The following AGPAT2 variants were observed in gnomAD, a reference collection of about 807,000 sequenced individuals.
AGPAT2 encodes 1-acylglycerol-3-phosphate O-acyltransferase 2.
A neutral mutation model predicts 26.1 loss-of-function variants in AGPAT2; 18 were observed. That is an observed-to-expected ratio of 0.69 (90% confidence interval 0.48 to 1.02). The LOEUF (loss-of-function observed/expected upper bound fraction) is 1.02. Ranked by LOEUF, AGPAT2 falls within the 50% of genes least tolerant of loss-of-function variation. AGPAT2 has a pLI of 0.00. For synonymous variants in AGPAT2, 200 were observed against 174.2 expected (o/e 1.15, Z -1.16); for missense variants, 415 against 394.9 (o/e 1.05, Z -0.43).
chr9:136,679,448 C>T (rs767466731), intron 1 of AGPAT2, among the ~76,000 whole-genome samples: 1 of 152,234 alleles, frequency 6.6e-6, no homozygotes, highest in East Asian at 1.9e-4. Flanking sequence ...CCTCAGCCAA[C>T]TCTAGATATC....
Position 136,674,715 on chromosome 9 carries a change from G to A in AGPAT2, c.661+20C>T. ...GGGTCAGGCGGGGCCTACACCCCGG[G>A]TGCACACATGTGGGGGTACCTGAAG... On this transcript the variant is annotated intron_variant, in intron 5 of 5. Transcript: ENST00000371696. The A allele has an allele frequency of 7.0e-7, 1 of 1,435,392 alleles. No homozygotes were observed. Among genetic ancestry groups the A allele is most frequent in the Non-Finnish European group, 9.2e-7 (1 of 1,084,356 alleles). The allele number at this position is 1,435,392 out of a possible 1,614,324, so 88.9% of individuals were successfully genotyped here.
At chr9:136,684,991 C>G (rs950416667) in intron 1 of AGPAT2, among the ~76,000 whole-genome samples, 8 of 152,172 alleles carry the variant, frequency 5.3e-5, no homozygotes, top group African/African-American at 1.9e-4. Context: ...AGGGAACGCA[C>G]GTTCGCAACA....
chr9:136,673,491 T>C lies in AGPAT2; in HGVS notation c.*261A>G, dbSNP rs994719073. 1 of 376,560 alleles carries C rather than the reference T, an allele frequency of 2.7e-6. No homozygotes were observed. 23.3% of individuals were successfully genotyped at this position (376,560 alleles called of 1,614,324 possible). On this transcript the variant is annotated 3_prime_UTR_variant, in exon 6 of 6. Transcript: ENST00000371696. ...GCCACAGCCGCAAGCCTCATCTTTA[T>C]CATCCCAGCTCCCAGAGGTGCCGTG... is the stretch of plus-strand genomic sequence containing the variant.
chr9:136,674,727 G>A lies in AGPAT2; in HGVS notation c.661+8C>T, dbSNP rs770744876. 7 of 1,481,700 alleles carry A rather than the reference G, an allele frequency of 4.7e-6. No homozygotes were observed. Among genetic ancestry groups the A allele is most frequent in the Admixed American group, 2.2e-5 (1 of 45,718 alleles). 91.8% of individuals were successfully genotyped at this position (1,481,700 alleles called of 1,614,324 possible). On this transcript the variant is annotated splice_region_variant and intron_variant, in intron 5 of 5. Coordinates refer to ENST00000371696, the MANE Select transcript of AGPAT2 (RefSeq NM_006412.4). ...GCCTACACCCCGGGTGCACACATGTGGGGGTACCTGAAGTGAAGAACTTCT... is the reference window on the plus strand; with the variant it reads ...GCCTACACCCCGGGTGCACACATGTAGGGGTACCTGAAGTGAAGAACTTCT...
chr9:136,687,306 C>CCAGCAG lies in AGPAT2; in HGVS notation c.46_51dup (p.Leu16_Leu17dup), dbSNP rs745429291. Reference sequence around the variant, plus strand: ...AACTCGGCCGCGCGGCTCAGCTGCACCAGCAGCAGCAGCAACAGCAGCGCC... The same window carrying CCAGCAG: ...AACTCGGCCGCGCGGCTCAGCTGCACCAGCAGCAGCAGCAGCAGCAACAGCAGCGCC... On this transcript the variant is annotated inframe_insertion, in exon 1 of 6. Transcript: ENST00000371696. 1.9e-6 allele frequency: 3 copies of CCAGCAG among 1,575,590 alleles called. No individual in the cohort carries two copies. Among genetic ancestry groups the CCAGCAG allele is most frequent in the Non-Finnish European group, 1.7e-6 (2 of 1,166,010 alleles).
At chr9:136,676,836 A>T (rs1846096280) in intron 3 of AGPAT2, 125 bp downstream of exon 3, 4 of 1,312,392 alleles carry the variant, frequency 3.0e-6, no homozygotes, top group African/African-American at 1.5e-5. Flanking sequence ...GTGGGACCCC[A>T]CCTGCGGAGC....
intron 1 of AGPAT2, among the ~76,000 whole-genome samples, chr9:136,685,246 T>C (rs1297598786): frequency 1.3e-5 from 2 of 152,006 alleles, no homozygotes; most frequent in East Asian, 3.9e-4. Flanking sequence ...CCTGGAGAGG[T>C]GAGGGCGGCA....
chr9:136,674,940 G>A, intron 4 of AGPAT2, 133 bp from the exon 5 acceptor site: 1 of 533,106 alleles, frequency 1.9e-6, no homozygotes, highest in Non-Finnish European at 3.1e-6. Flanking sequence ...GGTCCTTGTG[G>A]CTGTCCTGCC....
rs150180733 is a variant in AGPAT2, at chr9:136,677,550, G to T, written c.189C>A (p.Ile63=). Residue 63 remains isoleucine (I), a synonymous_variant, in exon 2 of 6, where the codon ATC becomes ATA. Transcript: ENST00000371696. ...GGRTVENMSI[I]GWFVRSFKYF... ...ACTTGAAGCTTCGCACGAACCAGCCGATGATGCTGCAGGGGAGGCCACCAT... is the reference window on the plus strand; with the variant it reads ...ACTTGAAGCTTCGCACGAACCAGCCTATGATGCTGCAGGGGAGGCCACCAT... 6.2e-7 allele frequency: 1 copy of T among 1,612,840 alleles called. No individual in the cohort carries two copies. Among genetic ancestry groups the T allele is most frequent in the East Asian group, 2.2e-5 (1 of 44,896 alleles).
intron 5 of AGPAT2, among the ~76,000 whole-genome samples, chr9:136,674,150 A>C (rs899012073): frequency 6.6e-6 from 1 of 151,836 alleles, no homozygotes; most frequent in Non-Finnish European, 1.5e-5. Flanking sequence ...CATTTTCGAC[A>C]AGTCTGCGCT....
chr9:136,680,522 C>T (rs1297017573), intron 1 of AGPAT2, among the ~76,000 whole-genome samples: 2 of 151,724 alleles, frequency 1.3e-5, no homozygotes, highest in African/African-American at 2.4e-5. Context: ...CCACCGCGCC[C>T]GGCCAGCTAG....
Position 136,677,140 on chromosome 9 carries a change from GGAGACA to G in AGPAT2, c.317-10_317-5del, listed in dbSNP as rs1846102785. 6.2e-7 allele frequency: 1 copy of G among 1,612,800 alleles called. No homozygotes were observed. Among genetic ancestry groups the G allele is most frequent in the African/African-American group, 1.3e-5 (1 of 75,046 alleles). ...TCCGGAAGGACCTCCATGAGGCCTG[GGAGACA>G]GAGAGACAGAGACAGAGAGAGAGGG... On this transcript the variant is annotated splice_polypyrimidine_tract_variant and splice_region_variant and intron_variant, in intron 2 of 5. Coordinates refer to ENST00000371696, the MANE Select transcript of AGPAT2 (RefSeq NM_006412.4).
Position 136,674,751 on chromosome 9 carries a change from C to A in AGPAT2, c.645G>T (p.Lys215Asn), listed in dbSNP as rs767537103. 1 of 1,513,360 alleles carries A rather than the reference C, an allele frequency of 6.6e-7. No individual in the cohort carries two copies. Among genetic ancestry groups the A allele is most frequent in the Non-Finnish European group, 8.9e-7 (1 of 1,127,538 alleles). 93.7% of individuals were successfully genotyped at this position (1,513,360 alleles called of 1,614,324 possible). The change falls in exon 5 of 6, where the codon AAG becomes AAT. Residue 215 changes from lysine (K) to asparagine (N), a missense_variant. Physicochemically the swap from Lys to Asn is moderately conservative, Grantham distance 94. Transcript: ENST00000371696. The part of the protein sequence containing the change: ...SSFSSFYNTK[K>N]KFFTSGTVTV... ...TGGGGGTACCTGAAGTGAAGAACTT[C>A]TTCTTGGTGTTGTAGAAGGAGGAGA...
At position 136,673,726 on chromosome 9, in the gene AGPAT2, C is replaced by T; in HGVS notation, c.*26G>A. The T allele has an allele frequency of 3.2e-6, 5 of 1,543,710 alleles. No individual in the cohort carries two copies. The highest frequency in any genetic ancestry group is 2.4e-5 in the East Asian group (1 of 41,408). On this transcript the variant is annotated 3_prime_UTR_variant, in exon 6 of 6. Transcript: ENST00000371696. ...GCCATCGGCTTCCACCTGCCCTCCC[C>T]AGGTCATGCCCTGCCGTGGTCTGGG... is the stretch of plus-strand genomic sequence containing the variant.
intron 1 of AGPAT2, among the ~76,000 whole-genome samples, chr9:136,681,598 T>G (rs1846161743): frequency 6.6e-6 from 1 of 152,086 alleles, no homozygotes; most frequent in African/African-American, 2.4e-5. Context: ...GGTCAGGAGT[T>G]CAAGACCAGC....
intron 1 of AGPAT2, among the ~76,000 whole-genome samples, chr9:136,680,915 T>C (rs1461830634): frequency 6.6e-6 from 1 of 152,022 alleles, no homozygotes; most frequent in Non-Finnish European, 1.5e-5. Flanking sequence ...TCCGCCCGCC[T>C]CGGCCTCCCA....
In AGPAT2 at chr9:136,673,629, T is replaced by C. The variant is rs868667663; in HGVS notation, c.*123A>G. The C allele has an allele frequency of 3.0e-5, 34 of 1,125,476 alleles. No homozygotes were observed. Among genetic ancestry groups the C allele is most frequent in the African/African-American group, 1.3e-4 (8 of 62,080 alleles). 69.7% of individuals were successfully genotyped at this position (1,125,476 alleles called of 1,614,324 possible). On this transcript the variant is annotated 3_prime_UTR_variant, in exon 6 of 6. Transcript: ENST00000371696. ...AGAAGGGGCTTCCTGCTTCCCGGGC[T>C]GAGTGAGAGCTGGGGGAGCCGGACA...
At chr9:136,686,975 G>A (rs1209775322) in intron 1 of AGPAT2, among the ~76,000 whole-genome samples, 1 of 152,146 alleles carries the variant, frequency 6.6e-6, no homozygotes, top group African/African-American at 2.4e-5. Flanking sequence ...CTGTGACGCC[G>A]GCTCCTTGAC....
At position 136,673,679 on chromosome 9, in the gene AGPAT2, A is replaced by G. The variant is rs1846042109; in HGVS notation, c.*73T>C. The G allele has an allele frequency of 1.4e-6, 2 of 1,428,882 alleles. No homozygotes were observed. Among genetic ancestry groups the G allele is most frequent in the Admixed American group, 2.4e-5 (1 of 40,824 alleles). 88.5% of individuals were successfully genotyped at this position (1,428,882 alleles called of 1,614,324 possible). A position where few individuals can be genotyped will look rare whatever the true frequency, so the allele number is the denominator to read the frequency against. On this transcript the variant is annotated 3_prime_UTR_variant, in exon 6 of 6. Coordinates refer to ENST00000371696, the MANE Select transcript of AGPAT2 (RefSeq NM_006412.4). ...AGAGTGGTATTTGGAAGCCGGGAGG[A>G]GTCCCCTCTGCCCATCCTCCAGCCA...
Sources: allele counts gnomAD v4.1 joint callset (sites outside exome capture counted in the v4.1 genomes callset), GRCh38; gene constraint gnomAD v4.1.1; transcripts MANE v1.5; gene names NCBI Gene and HGNC (gene_info 2026-07-23, HGNC 2026-07-21).